The following VEZF1 variants were observed in gnomAD, a reference collection of about 807,000 sequenced individuals.
VEZF1 encodes vascular endothelial zinc finger 1.
VEZF1 carries 5 observed loss-of-function variants against 44.1 expected under a neutral mutation model. The observed-to-expected ratio is 0.11, with a 90% CI of 0.06 to 0.24. The LOEUF (loss-of-function observed/expected upper bound fraction) is 0.24, where lower values mean the gene tolerates loss of function less well. Among genes scored for constraint, VEZF1 ranks in the 10% least tolerant of loss-of-function variants. The pLI, the probability that VEZF1 is intolerant of heterozygous loss-of-function variation, is 1.00. For synonymous variants in VEZF1, 236 were observed against 233.1 expected (o/e 1.01, Z -0.11); for missense variants, 358 against 641.8 (o/e 0.56, Z 4.78).
rs1410980156 is a variant in VEZF1 at position 57,973,649 on chromosome 17, T to G, written c.*824A>C. On this transcript the variant is annotated 3_prime_UTR_variant, in exon 6 of 6. Coordinates refer to ENST00000581208, the MANE Select transcript of VEZF1 (RefSeq NM_007146.3). ...CTCCTAAATAGGAATCCCACTGGAC[T>G]CTGTTTATTAGGAGCTTGCCTGTCC... The G allele has an allele frequency of 6.6e-6, 1 of 152,306 alleles. No individual in the cohort carries two copies. The highest frequency in any genetic ancestry group is 1.5e-5 in the Non-Finnish European group (1 of 68,042). 9.4% of individuals were successfully genotyped at this position (152,306 alleles called of 1,614,324 possible). A position where few individuals can be genotyped will look rare whatever the true frequency, so the allele number is the denominator to read the frequency against.
chr17:57,987,494 G>A (rs1298471834), intron 1 of VEZF1, among the ~76,000 whole-genome samples: 1 of 152,224 alleles, frequency 6.6e-6, no homozygotes, highest in Non-Finnish European at 1.5e-5. Flanking sequence ...GCGGTGAGGG[G>A]GAGTGGCGGG....
chr17:57,974,945 G>T, intron 5 of VEZF1, 45 bp from the exon 6 acceptor site: 1 of 1,545,230 alleles, frequency 6.5e-7, no homozygotes, highest in Non-Finnish European at 8.8e-7. Context: ...AAAACAGTGA[G>T]CAAAATTCAC....
At chr17:57,987,693 C>T (rs560076947) in intron 1 of VEZF1, among the ~76,000 whole-genome samples, 2 of 152,016 alleles carry the variant, frequency 1.3e-5, no homozygotes, top group Non-Finnish European at 2.9e-5. Flanking sequence ...CGGGCCGGCA[C>T]GCAATGGCCC....
rs376148760 is a variant in VEZF1 at position 57,981,960 on chromosome 17, G to A, written c.729-24C>T. ...GCCTGTGAAAAAGAGAGTTTCAACA[G>A]AAGATATAATCGAACACATAGAGAA... On this transcript the variant is annotated intron_variant, in intron 2 of 5. Coordinates refer to ENST00000581208, the MANE Select transcript of VEZF1 (RefSeq NM_007146.3). The A allele has an allele frequency of 3.1e-6, 5 of 1,611,744 alleles. No homozygotes were observed. The African/African-American group carries it at 4.0e-5, about 13-fold the overall frequency.
intron 1 of VEZF1, among the ~76,000 whole-genome samples, chr17:57,986,431 G>C (rs565443479): frequency 7.2e-5 from 11 of 152,206 alleles, no homozygotes; most frequent in Non-Finnish European, 1.6e-4. Flanking sequence ...TCTGGGGAAA[G>C]TATTTGCCAC....
chr17:57,987,423 G>A (rs1470264211), intron 1 of VEZF1, among the ~76,000 whole-genome samples: 1 of 152,160 alleles, frequency 6.6e-6, no homozygotes, highest in African/African-American at 2.4e-5. Context: ...AAAAGTTTGG[G>A]GAGGGGATAC....
chr17:57,977,672 C>T (rs905139765), intron 5 of VEZF1, among the ~76,000 whole-genome samples: 1 of 151,976 alleles, frequency 6.6e-6, no homozygotes, highest in Non-Finnish European at 1.5e-5. Context: ...TGGAGAAACC[C>T]TGTCTCTACT....
chr17:57,977,860 A>C (rs2075207570), intron 5 of VEZF1, among the ~76,000 whole-genome samples: 1 of 151,858 alleles, frequency 6.6e-6, no homozygotes, highest in East Asian at 1.9e-4. Flanking sequence ...AAGAAAAAAA[A>C]AAAAAAAGAA....
chr17:57,984,356 C>T (rs539884693), intron 1 of VEZF1, among the ~76,000 whole-genome samples: 1 of 152,284 alleles, frequency 6.6e-6, no homozygotes, highest in East Asian at 1.9e-4. Flanking sequence ...AGTAGTTACT[C>T]TCTTGGTTCT....
intron 5 of VEZF1, among the ~76,000 whole-genome samples, chr17:57,975,995 C>T (rs972456120): frequency 1.3e-5 from 2 of 152,066 alleles, no homozygotes; most frequent in Non-Finnish European, 2.9e-5. Context: ...GACTGGGTTT[C>T]GCCACGTTGC....
In VEZF1 at chr17:57,983,382, A is replaced by C; in HGVS notation, c.45T>G (p.Ala15=). 2 of 1,606,840 alleles carry C rather than the reference A, an allele frequency of 1.2e-6. No individual in the cohort carries two copies. Among genetic ancestry groups the C allele is most frequent in the Non-Finnish European group, 1.7e-6 (2 of 1,178,182 alleles). ...GTGCTGCCTGCTGTTGGTGATGGGA[A>C]GCTTCATGGGCCTAAAACCAAACAT... is the stretch of plus-strand genomic sequence containing the variant. ...WTAFLFQAHE[A]SHHQQQAAQN... The change falls in exon 2 of 6, where the codon GCT becomes GCG. Residue 15 remains alanine, a synonymous_variant. Transcript: ENST00000581208.
Position 57,972,722 on chromosome 17 carries a change from T to C in VEZF1, c.*1751A>G, listed in dbSNP as rs2075149253. Reference sequence around the variant, plus strand: ...CAGAAAGTTCCTAAGCTTTTATATATACAAAAGTTGTACAATTTAATGTCC... The same window carrying C: ...CAGAAAGTTCCTAAGCTTTTATATACACAAAAGTTGTACAATTTAATGTCC... On this transcript the variant is annotated 3_prime_UTR_variant, in exon 6 of 6. Transcript: ENST00000581208. The C allele has an allele frequency of 6.6e-6, 1 of 152,550 alleles. No individual in the cohort carries two copies. The highest frequency in any genetic ancestry group is 1.5e-5 in the Non-Finnish European group (1 of 68,048). The allele number at this position is 152,550 out of a possible 1,614,324, so 9.4% of individuals were successfully genotyped here.
chr17:57,981,671 C>A (rs1041842039), intron 3 of VEZF1, among the ~76,000 whole-genome samples: 8 of 151,664 alleles, frequency 5.3e-5, no homozygotes, highest in Non-Finnish European at 1.2e-4. Flanking sequence ...AAAAAAACAA[C>A]ACGCTTAAAT....
intron 1 of VEZF1, chr17:57,985,461 C>T (rs2075285997): frequency 8.2e-7 from 1 of 1,219,762 alleles, no homozygotes. Flanking sequence ...TTCCCAACTT[C>T]TTCTCTGGGG....
At chr17:57,980,015 T>A (rs8067531) in intron 4 of VEZF1, among the ~76,000 whole-genome samples, 8,714 of 151,012 alleles carry the variant, frequency 0.058, 784 homozygotes, top group African/African-American at 0.19. Flanking sequence ...AGTGAATGCT[T>A]ATAAAGTACA....
At position 57,983,103 on chromosome 17, in the gene VEZF1, G is replaced by T; in HGVS notation, c.324C>A (p.Thr108=). ...GIKLVSRPKK[T]PTTVVPLIST... ...AGATAAGGGGAACCACCGTGGTGGGGGTTTTCTTTGGCCGGGACACCAACT... is the reference window on the plus strand; with the variant it reads ...AGATAAGGGGAACCACCGTGGTGGGTGTTTTCTTTGGCCGGGACACCAACT... The change falls in exon 2 of 6, where the codon ACC becomes ACA. Residue 108 remains threonine, a synonymous_variant. Coordinates refer to ENST00000581208, the MANE Select transcript of VEZF1 (RefSeq NM_007146.3). 6.2e-7 allele frequency: 1 copy of T among 1,614,210 alleles called. No individual in the cohort carries two copies. The highest frequency in any genetic ancestry group is 8.5e-7 in the Non-Finnish European group (1 of 1,180,040).
rs2075293431 is a variant in VEZF1, at chr17:57,986,337, A to G, written c.33+1742T>C. Among the ~76,000 whole-genome samples the G allele has an allele frequency of 1.3e-5, 2 of 152,086 alleles. 1 individual carries two copies. The highest frequency in any genetic ancestry group is 4.1e-4 in the South Asian group (2 of 4,822). ...TTTTTTTTCAATCTCTATAGACACC[A>G]TGCTTAATATGGTTTTTAATCACAC... is the stretch of plus-strand genomic sequence containing the variant. On this transcript the variant is annotated intron_variant, in intron 1 of 5. Transcript: ENST00000581208.
Position 57,986,319 on chromosome 17 carries a change from T to C in VEZF1, c.33+1760A>G, listed in dbSNP as rs189340310. Among the ~76,000 whole-genome samples, 22 of 152,302 alleles carry C rather than the reference T, an allele frequency of 1.4e-4. No homozygotes were observed. The East Asian group carries it at 4.1e-3, about 28-fold the overall frequency. ...TTTACATGAAGAACACTTTTTTTTT[T>C]CAATCTCTATAGACACCATGCTTAA... On this transcript the variant is annotated intron_variant, in intron 1 of 5. Coordinates refer to ENST00000581208, the MANE Select transcript of VEZF1 (RefSeq NM_007146.3).
Position 57,979,225 on chromosome 17 carries a change from A to T in VEZF1, c.1065T>A (p.His355Gln). 6.2e-7 allele frequency: 1 copy of T among 1,610,302 alleles called. No homozygotes were observed. Among genetic ancestry groups the T allele is most frequent in the Non-Finnish European group, 8.5e-7 (1 of 1,178,466 alleles). The stretch of plus-strand genomic sequence containing the variant: ...CTTGCTTCCCTGGCCAGCTTGTCAC[A>T]TGTTGTTGTTGTTGTTGTTGCTGCT... Reference protein sequence around the residue: ...QQQQQQQQQQHVTSWPGKQVE... With the variant: ...QQQQQQQQQQQVTSWPGKQVE... Residue 355 changes from histidine to glutamine, a missense_variant, in exon 5 of 6, where the codon CAT becomes CAA. Around this residue, in one of 4 missense-constraint regions of VEZF1, gnomAD observed 171 missense variants for 272.4 expected, o/e 0.63. Transcript: ENST00000581208.
Sources: allele counts gnomAD v4.1 joint callset (sites outside exome capture counted in the v4.1 genomes callset), GRCh38; gene constraint gnomAD v4.1.1; regional missense constraint gnomAD v4.1.1; transcripts MANE v1.5; gene names NCBI Gene and HGNC (gene_info 2026-07-23, HGNC 2026-07-21).